Variants in FOXJ3 observed in about 807,000 individuals in gnomAD.
FOXJ3 encodes the protein forkhead box J3, also known as forkhead box protein J3.
FOXJ3 carries 22 observed loss-of-function variants against 76.1 expected under a neutral mutation model. The ratio of observed to expected loss-of-function variants is 0.29; its 90% CI spans 0.21 to 0.41. The LOEUF (loss-of-function observed/expected upper bound fraction) is 0.41, where lower values mean the gene tolerates loss of function less well. Ranked by LOEUF, FOXJ3 falls within the 10% of genes least tolerant of loss-of-function variation. The pLI is 1.00. For synonymous variants in FOXJ3, 269 were observed against 261.2 expected, an observed-to-expected ratio of 1.03 and a Z score of -0.29; for missense variants, 613 against 762.1, an observed-to-expected ratio of 0.80 and a Z score of 2.30.
chr1:42,278,414 TA>T lies in FOXJ3; in HGVS notation c.302del (p.Leu101Ter). 1 of 1,614,070 alleles carries T rather than the reference TA, an allele frequency of 6.2e-7. No homozygotes were observed. The highest frequency in any genetic ancestry group is 8.5e-7 in the Non-Finnish European group (1 of 1,179,898). ...INSSPKKKMT[L>X]SEIYQWICDN... The stretch of plus-strand genomic sequence containing the variant: ...CACAAATCCACTGATAAATTTCACT[TA>T]AAGTCATTTTCTTTTTGGGTGAGCT... On this transcript the variant is annotated frameshift_variant, in exon 3 of 13. Transcript: ENST00000361346. LOFTEE classifies it high-confidence loss of function.
chr1:42,221,999 GGGAGGAGGAGGA>G (rs1276015222), intron 5 of FOXJ3, among the ~76,000 whole-genome samples: 2 of 3,356 alleles, frequency 6.0e-4, no homozygotes, highest in Admixed American at 2.1e-3. Context: ...GAGGGGGAGG[GGGAGGAGGAGGA>G]GAAGGAGAAG....
At chr1:42,304,936 A>T (rs996187528) in intron 2 of FOXJ3, among the ~76,000 whole-genome samples, 3 of 152,196 alleles carry the variant, frequency 2.0e-5, no homozygotes, top group Non-Finnish European at 4.4e-5. Flanking sequence ...AAAGGAAACA[A>T]TCAACAAAGT....
intron 4 of FOXJ3, among the ~76,000 whole-genome samples, chr1:42,247,782 ACT>A (rs1420750593): frequency 6.6e-6 from 1 of 152,160 alleles, no homozygotes; most frequent in African/African-American, 2.4e-5. Flanking sequence ...AAATAAAAAC[ACT>A]GAGTCTATCC....
intron 1 of FOXJ3, among the ~76,000 whole-genome samples, chr1:42,316,682 C>T (rs1052665552): frequency 1.9e-4 from 29 of 152,178 alleles, no homozygotes; most frequent in Non-Finnish European, 3.7e-4. Flanking sequence ...CAGTAAATGC[C>T]TCAGTTACTA....
At chr1:42,221,996 AGGGGGAGGAGG>A (rs1428358328) in intron 5 of FOXJ3, among the ~76,000 whole-genome samples, 1 of 4,604 alleles carries the variant, frequency 2.2e-4, no homozygotes, top group Non-Finnish European at 4.8e-4. Context: ...GGGGAGGGGG[AGGGGGAGGAGG>A]AGGAGAAGGA....
At chr1:42,291,758 C>T (rs1570172213) in intron 2 of FOXJ3, among the ~76,000 whole-genome samples, 1 of 152,222 alleles carries the variant, frequency 6.6e-6, no homozygotes, top group African/African-American at 2.4e-5. Context: ...CCAGCCTGGG[C>T]AACAAAGCAA....
intron 4 of FOXJ3, among the ~76,000 whole-genome samples, chr1:42,236,361 T>C (rs930913462): frequency 2.6e-5 from 4 of 152,102 alleles, no homozygotes; most frequent in Non-Finnish European, 4.4e-5. Flanking sequence ...CAGCTAATAT[T>C]TTCCTTTATC....
intron 5 of FOXJ3, among the ~76,000 whole-genome samples, chr1:42,223,277 CA>C (rs1300369121): frequency 6.6e-6 from 1 of 152,182 alleles, no homozygotes; most frequent in Admixed American, 6.5e-5. Context: ...ATCTACTCAG[CA>C]TCTTCCTCTT....
Position 42,179,595 on chromosome 1 carries a change from G to C in FOXJ3, c.*115C>G, listed in dbSNP as rs545034159. On this transcript the variant is annotated 3_prime_UTR_variant, in exon 13 of 13. Coordinates refer to ENST00000361346, the MANE Select transcript of FOXJ3 (RefSeq NM_014947.5). ...TCTGATTGTCTTCAAAAGTAATTTT[G>C]ATAACATTGGTAAAGTGATTAGCAA... The C allele has an allele frequency of 1.6e-6, 1 of 635,602 alleles. No homozygotes were observed. The highest frequency in any genetic ancestry group is 1.8e-5 in the African/African-American group (1 of 54,808). The allele number at this position is 635,602 out of a possible 1,614,324, so 39.4% of individuals were successfully genotyped here. A position where few individuals can be genotyped will look rare whatever the true frequency, so the allele number is the denominator to read the frequency against.
intron 1 of FOXJ3, among the ~76,000 whole-genome samples, chr1:42,333,795 G>C (rs975501746): frequency 3.3e-5 from 5 of 152,200 alleles, no homozygotes; most frequent in Non-Finnish European, 7.3e-5. Context: ...AACAGAGTAA[G>C]AGGAAAAGTG....
chr1:42,252,711 G>A, intron 4 of FOXJ3, among the ~76,000 whole-genome samples: 1 of 150,120 alleles, frequency 6.7e-6, no homozygotes, highest in Non-Finnish European at 1.5e-5. Flanking sequence ...TCTTTTAATT[G>A]TGATGTTAGG....
intron 2 of FOXJ3, among the ~76,000 whole-genome samples, chr1:42,305,373 A>G (rs898338021): frequency 2.2e-4 from 34 of 152,222 alleles, no homozygotes; most frequent in African/African-American, 7.5e-4. Context: ...TAGAGCTACC[A>G]TAAGATCCAA....
At chr1:42,248,801 G>T (rs1649773462) in intron 4 of FOXJ3, among the ~76,000 whole-genome samples, 1 of 138,776 alleles carries the variant, frequency 7.2e-6, no homozygotes, top group Non-Finnish European at 1.5e-5. Context: ...TGTTACATAG[G>T]TATAAGTGTG....
At chr1:42,268,289 C>T (rs1651621393) in intron 3 of FOXJ3, among the ~76,000 whole-genome samples, 2 of 151,440 alleles carry the variant, frequency 1.3e-5, no homozygotes, top group South Asian at 4.2e-4. Context: ...AGCCAGAAGG[C>T]AATGGAGTGA....
At chr1:42,261,900 T>G (rs1265701953) in intron 4 of FOXJ3, among the ~76,000 whole-genome samples, 1 of 152,194 alleles carries the variant, frequency 6.6e-6, no homozygotes, top group Non-Finnish European at 1.5e-5. Flanking sequence ...TACCAAAACT[T>G]AACTAACATT....
intron 3 of FOXJ3, among the ~76,000 whole-genome samples, chr1:42,277,960 G>C (rs1317057115): frequency 7.2e-6 from 1 of 138,264 alleles, no homozygotes; most frequent in Non-Finnish European, 1.5e-5. Context: ...CTAGGCGTCA[G>C]AGCGAGACTC....
rs1214667446 is a variant in FOXJ3 at position 42,335,094 on chromosome 1, C to T, written c.-53G>A. On this transcript the variant is annotated 5_prime_UTR_variant, in exon 1 of 13. Transcript: ENST00000361346. ...GCAGGCCGGGACGGCCCGGCCGAGC[C>T]CCCGGCCGCTCCGTGCGTCTCCGCC... is the stretch of plus-strand genomic sequence containing the variant. The T allele has an allele frequency of 6.6e-6, 1 of 152,188 alleles. No homozygotes were observed. Among genetic ancestry groups the T allele is most frequent in the Non-Finnish European group, 1.5e-5 (1 of 68,142 alleles). The allele number at this position is 152,188 out of a possible 1,614,324, so 9.4% of individuals were successfully genotyped here. A position where few individuals can be genotyped will look rare whatever the true frequency, so the allele number is the denominator to read the frequency against.
chr1:42,296,459 G>A (rs937487146), intron 2 of FOXJ3, among the ~76,000 whole-genome samples: 11 of 152,066 alleles, frequency 7.2e-5, no homozygotes, highest in Admixed American at 3.9e-4. Context: ...TAATCCATCC[G>A]TCCTGAGTTA....
chr1:42,194,418 C>T (rs1646611077), intron 8 of FOXJ3, among the ~76,000 whole-genome samples: 1 of 152,212 alleles, frequency 6.6e-6, no homozygotes, highest in Non-Finnish European at 1.5e-5. Context: ...CTAGCGTTTA[C>T]TAGTAGCTGA....
Sources: gnomAD v4.1 joint callset for allele counts (sites outside exome capture counted in the v4.1 genomes callset) on GRCh38, gnomAD v4.1.1 for gene constraint, MANE v1.5 for transcripts, NCBI Gene and HGNC (gene_info 2026-07-23, HGNC 2026-07-21) for gene names.